The following PLOD1 variants were observed in gnomAD, a reference collection of about 807,000 sequenced individuals.
PLOD1 encodes lysine hydroxylase.
Under a neutral mutation model 94.7 loss-of-function variants are expected in PLOD1, and 70 were observed. That is an observed-to-expected ratio of 0.74 (90% CI 0.61 to 0.90). PLOD1 has a LOEUF of 0.90. Ranked by LOEUF, PLOD1 falls within the 40% of genes least tolerant of loss-of-function variation. The pLI, the probability that PLOD1 is intolerant of heterozygous loss-of-function variation, is 0.00. For synonymous variants in PLOD1, 417 were observed against 400.2 expected (o/e 1.04, Z -0.50); for missense variants, 905 against 972.7 (o/e 0.93, Z 0.93).
At chr1:11,935,865 C>T (rs759252881) in intron 1 of PLOD1, among the ~76,000 whole-genome samples, 5 of 150,818 alleles carry the variant, frequency 3.3e-5, no homozygotes, top group African/African-American at 4.9e-5. Flanking sequence ...CCTCTTGATC[C>T]GCTGGCCTCA....
Position 11,966,269 on chromosome 1 carries a change from A to C in PLOD1, c.1603A>C (p.Ile535Leu), listed in dbSNP as rs376017234. 6.2e-7 allele frequency: 1 copy of C among 1,607,036 alleles called. No individual in the cohort carries two copies. The highest frequency in any genetic ancestry group is 8.5e-7 in the Non-Finnish European group (1 of 1,176,682). The change falls in exon 15 of 19, where the codon ATC becomes CTC. Residue 535 changes from isoleucine (I) to leucine (L), a missense_variant. Transcript: ENST00000196061. Reference sequence around the variant, plus strand: ...CCCACAGGACTGGAAGGAGAAGTACATCCACCAGAACTACACCAAAGCCCT... The same window carrying C: ...CCCACAGGACTGGAAGGAGAAGTACCTCCACCAGAACTACACCAAAGCCCT... ...SNPEDWKEKYIHQNYTKALAG... is the reference protein window; with the variant it reads ...SNPEDWKEKYLHQNYTKALAG...
intron 16 of PLOD1, among the ~76,000 whole-genome samples, chr1:11,967,739 T>TTTAA (rs202048268): frequency 1.5e-4 from 22 of 147,686 alleles, no homozygotes; most frequent in South Asian, 1.3e-3. Context: ...TTTTATTTAT[T>TTTAA]TTAATTAATT....
At chr1:11,940,259 A>G (rs376701990) in intron 1 of PLOD1, among the ~76,000 whole-genome samples, 1 of 151,804 alleles carries the variant, frequency 6.6e-6, no homozygotes, top group South Asian at 2.1e-4. Context: ...AGGGCCTCAA[A>G]TAAGCCTCCT....
chr1:11,967,179 C>T, intron 16 of PLOD1, 88 bp downstream of exon 16: 3 of 842,134 alleles, frequency 3.6e-6, no homozygotes, highest in South Asian at 1.3e-5. Flanking sequence ...GGCAAGCTGG[C>T]CTGGCCACCC....
At chr1:11,966,835 C>T (rs1487553016) in intron 15 of PLOD1, 152 bp from the exon 16 acceptor site, 4 of 672,380 alleles carry the variant, frequency 5.9e-6, no homozygotes. Context: ...GCTCTGCCTC[C>T]TCCTCCCCAC....
intron 1 of PLOD1, among the ~76,000 whole-genome samples, chr1:11,945,407 G>A (rs542120866): frequency 5.4e-5 from 8 of 149,366 alleles, no homozygotes; most frequent in Admixed American, 2.0e-4. Flanking sequence ...CCTGGGCAAC[G>A]GGAGTGAGAT....
intron 1 of PLOD1, among the ~76,000 whole-genome samples, chr1:11,938,758 C>T (rs1014404589): frequency 1.3e-5 from 2 of 152,102 alleles, no homozygotes; most frequent in Non-Finnish European, 2.9e-5. Context: ...TCACCCAAAA[C>T]GCATGGCCTT....
At chr1:11,956,813 CATA>C in intron 6 of PLOD1, 101 bp from the exon 7 acceptor site, 1 of 786,398 alleles carries the variant, frequency 1.3e-6, no homozygotes, top group East Asian at 2.4e-5. Context: ...TGCCCGAGGA[CATA>C]ATCTACTCAC....
At chr1:11,936,816 C>T (rs985235659) in intron 1 of PLOD1, among the ~76,000 whole-genome samples, 6 of 151,522 alleles carry the variant, frequency 4.0e-5, no homozygotes, top group African/African-American at 1.5e-4. Context: ...AGCCACTGCA[C>T]CCAGCCAGGA....
intron 4 of PLOD1, 94 bp downstream of exon 4, chr1:11,950,614 TCTCACAGGTC>T: frequency 9.2e-7 from 1 of 1,088,332 alleles, no homozygotes; most frequent in Non-Finnish European, 1.4e-6. Flanking sequence ...AATCTGGGTG[TCTCACAGGTC>T]TCCAGTGCAG....
chr1:11,974,671 C>A lies in PLOD1; in HGVS notation c.2047C>A (p.Leu683Met), dbSNP rs1196382648. 4 of 1,613,726 alleles carry A rather than the reference C, an allele frequency of 2.5e-6. No homozygotes were observed. Among genetic ancestry groups the A allele is most frequent in the Non-Finnish European group, 3.4e-6 (4 of 1,179,894 alleles). Residue 683 changes from leucine to methionine, a missense_variant, in exon 19 of 19, where the codon CTG becomes ATG. By Grantham distance (15) the Leu-to-Met change is conservative. Transcript: ENST00000196061. Reference sequence around the variant, plus strand: ...CTCCCAGGGCGGGGGCTGTCGGTTCCTGCGCTACAACTGTTCCATCCGAGC... The same window carrying A: ...CTCCCAGGGCGGGGGCTGTCGGTTCATGCGCTACAACTGTTCCATCCGAGC... ...VDYEGGGCRF[L>M]RYNCSIRAPR...
At chr1:11,964,518 CT>C (rs1645801834) in intron 12 of PLOD1, 125 bp from the exon 13 acceptor site, 3 of 1,004,864 alleles carry the variant, frequency 3.0e-6, no homozygotes, top group African/African-American at 1.6e-5. Flanking sequence ...TTGTGCCCCC[CT>C]AGCCTGTGAC....
At chr1:11,961,825 G>A (rs745789886) in intron 10 of PLOD1, among the ~76,000 whole-genome samples, 4 of 152,164 alleles carry the variant, frequency 2.6e-5, no homozygotes, top group Non-Finnish European at 5.9e-5. Context: ...GTCTCACTCC[G>A]TCACTCAGGC....
At chr1:11,956,271 C>T (rs1347851114) in intron 6 of PLOD1, among the ~76,000 whole-genome samples, 2 of 152,124 alleles carry the variant, frequency 1.3e-5, no homozygotes, top group Non-Finnish European at 2.9e-5. Flanking sequence ...GTAATCCCAG[C>T]TACTCAGGAG....
intron 1 of PLOD1, among the ~76,000 whole-genome samples, chr1:11,938,153 A>G (rs973537373): frequency 8.4e-6 from 1 of 119,528 alleles, no homozygotes; most frequent in African/African-American, 3.8e-5. Flanking sequence ...GGGTTTTGCA[A>G]TGTTAGCCAG....
At chr1:11,936,820 G>GCCGGGAGCCACTGCACCCAT (rs1291478762) in intron 1 of PLOD1, among the ~76,000 whole-genome samples, 11 of 150,284 alleles carry the variant, frequency 7.3e-5, no homozygotes, top group Non-Finnish European at 1.5e-5. Context: ...ACTGCACCCA[G>GCCGGGAGCCACTGCACCCAT]CCAGGAACCA....
Position 11,951,867 on chromosome 1 carries a change from C to T in PLOD1, c.467-756C>T, listed in dbSNP as rs565023201. ...CCGGGAGGCGGAGCTTGCAGTGAGC[C>T]GAGATCGTGCCACTGCACTCCAGCC... is the stretch of plus-strand genomic sequence containing the variant. On this transcript the variant is annotated intron_variant, in intron 4 of 18. Transcript: ENST00000196061. Among the ~76,000 whole-genome samples the T allele has an allele frequency of 4.1e-3, 620 of 151,512 alleles. 1 individual carries two copies. Among genetic ancestry groups the T allele is most frequent in the Non-Finnish European group, 5.6e-3 (381 of 67,836 alleles).
chr1:11,939,754 C>G (rs1645603683), intron 1 of PLOD1, among the ~76,000 whole-genome samples: 1 of 151,794 alleles, frequency 6.6e-6, no homozygotes, highest in African/African-American at 2.4e-5. Flanking sequence ...ATTACAGGCG[C>G]CCACCATCAT....
At position 11,963,628 on chromosome 1, in the gene PLOD1, A is replaced by G. The variant is rs755978483; in HGVS notation, c.1194A>G (p.Gln398=). ...TEPNSLRLLI[Q]QNKNVIAPLM... ...CCAACAGCCTGCGGCTGCTGATCCA[A>G]CAGAACAAGTGAGGCTGCTCCGTCT... Residue 398 remains glutamine, a synonymous_variant, in exon 11 of 19, where the codon CAA becomes CAG. Coordinates refer to ENST00000196061, the MANE Select transcript of PLOD1 (RefSeq NM_000302.4). The surrounding 1 kb of genome is among the most constrained non-coding windows in gnomAD (Gnocchi z 4.3). The G allele has an allele frequency of 2.3e-5, 36 of 1,591,692 alleles. No homozygotes were observed. The highest frequency in any genetic ancestry group is 2.3e-5 in the Non-Finnish European group (27 of 1,169,118).
Sources: gnomAD v4.1 joint callset for allele counts (sites outside exome capture counted in the v4.1 genomes callset) on GRCh38, gnomAD v4.1.1 for gene constraint, Gnocchi (gnomAD v3.1) non-coding constraint, MANE v1.5 for transcripts, NCBI Gene and HGNC (gene_info 2026-07-23, HGNC 2026-07-21) for gene names.